Variants in LUZP2 observed in about 807,000 individuals in gnomAD.
The protein encoded by LUZP2 is leucine zipper protein 2.
Under a neutral mutation model 51.6 loss-of-function variants are expected in LUZP2, and 52 were observed. That is an observed-to-expected ratio of 1.01 (90% CI 0.81 to 1.27). The LOEUF is 1.27. Ranked by LOEUF, LUZP2 falls within the 50% of genes most tolerant of loss-of-function variation. LUZP2 has a pLI of 0.00. For missense variants in LUZP2, 436 were observed against 395.4 expected (o/e 1.10, Z -0.87); for synonymous variants, 154 against 137.3 (o/e 1.12, Z -0.85).
chr11:24,671,561 TACACACAC>T (rs61319296), intron 1 of LUZP2, among the ~76,000 whole-genome samples: 18 of 148,026 alleles, frequency 1.2e-4, no homozygotes, highest in African/African-American at 3.5e-4. Context: ...CTCTCTGTCT[TACACACAC>T]ACACACACAC....
chr11:25,032,616 CT>C (rs1284233597), intron 9 of LUZP2, among the ~76,000 whole-genome samples: 1 of 152,082 alleles, frequency 6.6e-6, no homozygotes, highest in Admixed American at 6.6e-5. Flanking sequence ...CCTGCCTTAA[CT>C]TTCAGGAAGT....
intron 9 of LUZP2, among the ~76,000 whole-genome samples, chr11:25,023,668 T>C (rs1485896227): frequency 6.6e-6 from 1 of 152,172 alleles, no homozygotes; most frequent in African/African-American, 2.4e-5. Context: ...TTTCTTGCCT[T>C]CTGCTAGCTT....
intron 9 of LUZP2, among the ~76,000 whole-genome samples, chr11:25,047,226 G>A (rs1358955983): frequency 6.6e-6 from 1 of 151,952 alleles, no homozygotes; most frequent in Non-Finnish European, 1.5e-5. Context: ...TTTCCTCAAA[G>A]CATCTGCAAG....
intron 5 of LUZP2, among the ~76,000 whole-genome samples, chr11:24,828,393 C>A (rs1850604015): frequency 6.6e-6 from 1 of 151,978 alleles, no homozygotes; most frequent in Admixed American, 6.6e-5. Context: ...TGTAAAAATT[C>A]ACTATGTTTA....
chr11:24,696,353 T>G (rs1045620094), intron 1 of LUZP2, among the ~76,000 whole-genome samples: 6 of 152,222 alleles, frequency 3.9e-5, no homozygotes, highest in Non-Finnish European at 8.8e-5. Flanking sequence ...AAACAAAGAT[T>G]TATGCTTATT....
chr11:24,753,334 C>T (rs1391004711), intron 4 of LUZP2, among the ~76,000 whole-genome samples: 1 of 152,108 alleles, frequency 6.6e-6, no homozygotes, highest in Non-Finnish European at 1.5e-5. Flanking sequence ...ACATGCCACC[C>T]TTCAGTAATT....
chr11:24,510,823 C>T (rs1192638658), intron 1 of LUZP2, among the ~76,000 whole-genome samples: 2 of 151,836 alleles, frequency 1.3e-5, no homozygotes, highest in East Asian at 1.9e-4. Context: ...TATTGTGGAC[C>T]ATTGGCCATT....
At chr11:24,576,541 G>C (rs1251493346) in intron 1 of LUZP2, among the ~76,000 whole-genome samples, 1 of 151,276 alleles carries the variant, frequency 6.6e-6, no homozygotes. Context: ...AGTTAGGAGA[G>C]GTAGGGAATG....
intron 9 of LUZP2, among the ~76,000 whole-genome samples, chr11:24,985,566 A>G (rs1474656813): frequency 6.6e-6 from 1 of 151,760 alleles, no homozygotes; most frequent in Non-Finnish European, 1.5e-5. Context: ...TATGTCACCA[A>G]CACTGAAAAT....
At chr11:24,742,357 A>C (rs983997968) in intron 4 of LUZP2, among the ~76,000 whole-genome samples, 1 of 151,848 alleles carries the variant, frequency 6.6e-6, no homozygotes, top group Non-Finnish European at 1.5e-5. Context: ...ATTTATGCCA[A>C]CATCTACAGT....
At chr11:24,680,960 A>G (rs1306209195) in intron 1 of LUZP2, among the ~76,000 whole-genome samples, 1 of 133,204 alleles carries the variant, frequency 7.5e-6, no homozygotes, top group Admixed American at 8.2e-5. Flanking sequence ...ATGAGTCTTT[A>G]ATTTCTTTCT....
chr11:24,848,768 G>A (rs1851288038), intron 5 of LUZP2, among the ~76,000 whole-genome samples: 1 of 152,130 alleles, frequency 6.6e-6, no homozygotes, highest in Admixed American at 6.6e-5. Context: ...TTCTTTTTAT[G>A]AGACTAGCAT....
At chr11:24,631,085 AG>A (rs1854873113) in intron 1 of LUZP2, among the ~76,000 whole-genome samples, 1 of 151,930 alleles carries the variant, frequency 6.6e-6, no homozygotes, top group Non-Finnish European at 1.5e-5. Flanking sequence ...AAATCTAAAA[AG>A]TTTTCTGGTG....
chr11:24,914,367 T>G (rs1234305184), intron 6 of LUZP2, 109 bp from the exon 7 acceptor site: 1 of 799,250 alleles, frequency 1.3e-6, no homozygotes, highest in African/African-American at 1.8e-5. Flanking sequence ...GGTTGGACTG[T>G]GCTTTGCTTG....
chr11:24,559,002 T>G (rs1201420767), intron 1 of LUZP2, among the ~76,000 whole-genome samples: 1 of 152,156 alleles, frequency 6.6e-6, no homozygotes, highest in Admixed American at 6.6e-5. Flanking sequence ...GAATAAATTT[T>G]GGAAGGAACA....
In LUZP2 at chr11:24,594,298, T is replaced by A. The variant is rs534969458; in HGVS notation, c.62+96993T>A. Among the ~76,000 whole-genome samples, 22 of 152,306 alleles carry A rather than the reference T, an allele frequency of 1.4e-4. 1 individual carries two copies. The South Asian group carries it at 4.4e-3, about 30-fold the overall frequency. On this transcript the variant is annotated intron_variant, in intron 1 of 11. Coordinates refer to ENST00000336930, the MANE Select transcript of LUZP2 (RefSeq NM_001009909.4). Reference sequence around the variant, plus strand: ...GATCTTGGGCAGTGTTTTGACAGAATCATAGGTAATATTTGGAAGGACAGT... The same window carrying A: ...GATCTTGGGCAGTGTTTTGACAGAAACATAGGTAATATTTGGAAGGACAGT...
chr11:25,059,174 G>C (rs903672780), intron 10 of LUZP2, among the ~76,000 whole-genome samples: 3 of 152,192 alleles, frequency 2.0e-5, no homozygotes, highest in African/African-American at 7.2e-5. Context: ...TAATCTTTTA[G>C]AGTAAGATCA....
chr11:24,966,565 G>T (rs1240277760), intron 7 of LUZP2, among the ~76,000 whole-genome samples: 4 of 149,680 alleles, frequency 2.7e-5, no homozygotes, highest in South Asian at 2.1e-4. Context: ...TGTGAATAGT[G>T]TGAGGAAAAG....
intron 1 of LUZP2, among the ~76,000 whole-genome samples, chr11:24,610,501 G>A (rs1021115897): frequency 8.5e-5 from 13 of 152,216 alleles, no homozygotes; most frequent in African/African-American, 3.1e-4. Flanking sequence ...GAACAAGTGA[G>A]TGAAGCCATC....
Sources: gnomAD v4.1 joint callset for allele counts (sites outside exome capture counted in the v4.1 genomes callset) on GRCh38, gnomAD v4.1.1 for gene constraint, MANE v1.5 for transcripts, NCBI Gene and HGNC (gene_info 2026-07-23, HGNC 2026-07-21) for gene names.